The following MATN2 variants were observed in gnomAD, a reference collection of about 807,000 sequenced individuals.
MATN2 encodes the protein matrilin-2.
A neutral mutation model predicts 103.2 loss-of-function variants in MATN2; 69 were observed. The observed-to-expected ratio is 0.67, with a 90% CI of 0.55 to 0.82. The LOEUF is 0.82. MATN2 is among the 40% of genes least tolerant of loss of function. The probability of loss-of-function intolerance (pLI) is 0.00; values close to 1 mark genes in which losing one functional copy is unlikely to be tolerated. For missense variants in MATN2, 1,023 were observed against 1,211.5 expected, an observed-to-expected ratio of 0.84 and a Z score of 2.31; for synonymous variants, 429 against 450.2, an observed-to-expected ratio of 0.95 and a Z score of 0.60.
At chr8:98,004,041 C>G (rs1812875165) in intron 8 of MATN2, 2 of 377,514 alleles carry the variant, frequency 5.3e-6, no homozygotes, top group Non-Finnish European at 1.0e-5. Flanking sequence ...GTAATCCCAG[C>G]ACAGGGAGGC....
At chr8:97,911,750 C>G (rs996250773) in intron 2 of MATN2, among the ~76,000 whole-genome samples, 1 of 152,036 alleles carries the variant, frequency 6.6e-6, no homozygotes, top group Non-Finnish European at 1.5e-5. Flanking sequence ...GCCAGTGTCA[C>G]CTAGCTGGTA....
Position 97,907,523 on chromosome 8 carries a change from T to C in MATN2, c.142+19281T>C, listed in dbSNP as rs200911799. On this transcript the variant is annotated intron_variant, in intron 2 of 18. Transcript: ENST00000254898. ...ATTTTTAGTAGAGATGGGGTTTCAC[T>C]GTGTTAGCCAGGATGGCCTCGATCT... 4.2e-3 allele frequency among the ~76,000 whole-genome samples: 637 copies of C among 150,400 alleles called. 5 individuals are homozygous for C. Among genetic ancestry groups the C allele is most frequent in the African/African-American group, 0.015 (599 of 40,900 alleles).
At chr8:97,935,478 C>A (rs1810343663) in intron 3 of MATN2, among the ~76,000 whole-genome samples, 1 of 152,096 alleles carries the variant, frequency 6.6e-6, no homozygotes, top group Non-Finnish European at 1.5e-5. Flanking sequence ...AGGTCACAAA[C>A]CTGTAAGTGC....
intron 18 of MATN2, chr8:98,033,912 G>A: frequency 1.9e-6 from 1 of 514,688 alleles, no homozygotes; most frequent in Non-Finnish European, 3.5e-6. Context: ...AATAAGGCCT[G>A]TCAGTCAGCA....
At chr8:97,899,585 C>T (rs1208506956) in intron 2 of MATN2, among the ~76,000 whole-genome samples, 2 of 152,268 alleles carry the variant, frequency 1.3e-5, no homozygotes, top group South Asian at 2.1e-4. Context: ...TCCCTCTGTA[C>T]CTGTGAGTGT....
At chr8:98,021,431 A>G (rs901930804) in intron 13 of MATN2, 104 bp downstream of exon 13, 9 of 1,198,286 alleles carry the variant, frequency 7.5e-6, no homozygotes, top group Non-Finnish European at 5.9e-6. Context: ...TCTCCCATAA[A>G]TATAAATGCA....
At chr8:97,930,274 C>G (rs1030827736) in intron 2 of MATN2, among the ~76,000 whole-genome samples, 1 of 152,232 alleles carries the variant, frequency 6.6e-6, no homozygotes, top group Admixed American at 6.5e-5. Flanking sequence ...AGCTCCTTAA[C>G]TTTGGACCCT....
chr8:97,998,248 C>T (rs992468240), intron 7 of MATN2, among the ~76,000 whole-genome samples: 8 of 150,940 alleles, frequency 5.3e-5, no homozygotes, highest in Non-Finnish European at 1.0e-4. Flanking sequence ...TTGCTGGGCG[C>T]GGTGGCTCAC....
chr8:97,884,773 TAACAAC>T (rs200495037), intron 1 of MATN2, among the ~76,000 whole-genome samples: 5 of 151,700 alleles, frequency 3.3e-5, no homozygotes, highest in Non-Finnish European at 5.9e-5. Context: ...TGTCTCCAAA[TAACAAC>T]AACAACAACA....
intron 2 of MATN2, among the ~76,000 whole-genome samples, chr8:97,903,021 C>A (rs1318343325): frequency 6.6e-6 from 1 of 152,138 alleles, no homozygotes; most frequent in South Asian, 2.1e-4. Context: ...GTTATAGTCC[C>A]CATGCTAGCA....
intron 5 of MATN2, among the ~76,000 whole-genome samples, chr8:97,976,050 G>C (rs1376957318): frequency 1.3e-5 from 2 of 152,124 alleles, no homozygotes; most frequent in African/African-American, 2.4e-5. Context: ...AATGGCTTGT[G>C]AATTAAACCT....
At chr8:97,901,639 A>G (rs538371366) in intron 2 of MATN2, among the ~76,000 whole-genome samples, 19 of 152,354 alleles carry the variant, frequency 1.2e-4, no homozygotes, top group African/African-American at 4.6e-4. Context: ...TACAGTGTAC[A>G]AGGCTTTGCT....
intron 7 of MATN2, among the ~76,000 whole-genome samples, chr8:98,001,843 G>A (rs1812796494): frequency 6.6e-6 from 1 of 152,008 alleles, no homozygotes; most frequent in South Asian, 2.1e-4. Flanking sequence ...ATGTTTCATT[G>A]GTCAGAACTA....
At position 98,024,390 on chromosome 8, in the gene MATN2, A is replaced by G. The variant is rs375800375; in HGVS notation, c.1943-3026A>G. On this transcript the variant is annotated intron_variant, in intron 13 of 18. Transcript: ENST00000254898. ...TATGGTAGCGTGTGCCTGTGGCTCT[A>G]GCTACTTGGGAGGCTGAGACAGGAG... is the stretch of plus-strand genomic sequence containing the variant. Among the ~76,000 whole-genome samples, 6 of 152,134 alleles carry G rather than the reference A, an allele frequency of 3.9e-5. No individual in the cohort carries two copies. In the East Asian group the frequency reaches 5.8e-4, roughly 15 times the overall value.
intron 1 of MATN2, among the ~76,000 whole-genome samples, chr8:97,881,319 AGGTGTGCAGAACCAGGCCTCT>A (rs1177488049): frequency 2.0e-5 from 3 of 152,226 alleles, no homozygotes; most frequent in Admixed American, 2.0e-4. Flanking sequence ...GAGGTCATGC[AGGTGTGCAGAACCAGGCCTCT>A]GGTCTCAAGG....
At chr8:97,995,096 G>A (rs1321736451) in intron 7 of MATN2, among the ~76,000 whole-genome samples, 3 of 152,204 alleles carry the variant, frequency 2.0e-5, no homozygotes, top group Admixed American at 6.5e-5. Context: ...TCAGCGGGTT[G>A]ATATTGTGGA....
rs372520103 is a variant in MATN2, at chr8:98,007,218, A to T, written c.1441A>T (p.Thr481Ser). Reference protein sequence around the residue: ...EGFLINEDLKTCSRVDYCLLS... With the variant: ...EGFLINEDLKSCSRVDYCLLS... Reference sequence around the variant, plus strand: ...CTTCCTCATCAACGAGGACCTCAAGACCTGCTCCCGTGAGTCCCTCCGCGC... The same window carrying T: ...CTTCCTCATCAACGAGGACCTCAAGTCCTGCTCCCGTGAGTCCCTCCGCGC... Residue 481 changes from threonine (T) to serine (S), a missense_variant, in exon 9 of 19, where the codon ACC becomes TCC. Coordinates refer to ENST00000254898, the MANE Select transcript of MATN2 (RefSeq NM_002380.5). The surrounding 1 kb of genome is among the most constrained non-coding windows in gnomAD (Gnocchi z 4.2). 2.3e-5 allele frequency: 37 copies of T among 1,613,870 alleles called. No homozygotes were observed. In the African/African-American group the frequency reaches 4.8e-4, roughly 21 times the overall value.
Position 98,021,320 on chromosome 8 carries a change from G to T in MATN2, c.1935G>T (p.Arg645=), listed in dbSNP as rs967865571. Reference sequence around the variant, plus strand: ...TTGTTCTAGCTGAGGACGGAAGACGGTGCAAGAGTAAGTGATCTGAACTTG... The same window carrying T: ...TTGTTCTAGCTGAGGACGGAAGACGTTGCAAGAGTAAGTGATCTGAACTTG... ...EGFVLAEDGR[R]CKKCTEGPID... Residue 645 remains arginine, a synonymous_variant, in exon 13 of 19, where the codon CGG becomes CGT. Coordinates refer to ENST00000254898, the MANE Select transcript of MATN2 (RefSeq NM_002380.5). 3.1e-6 allele frequency: 5 copies of T among 1,612,984 alleles called. No homozygotes were observed. The highest frequency in any genetic ancestry group is 3.3e-5 in the Admixed American group (2 of 59,956).
At chr8:97,958,869 G>C (rs1811219693) in intron 4 of MATN2, among the ~76,000 whole-genome samples, 1 of 152,132 alleles carries the variant, frequency 6.6e-6, no homozygotes, top group Non-Finnish European at 1.5e-5. Flanking sequence ...CTCTGCCTCT[G>C]GTGTCAATGG....
Sources: allele counts gnomAD v4.1 joint callset (sites outside exome capture counted in the v4.1 genomes callset), GRCh38; gene constraint gnomAD v4.1.1; non-coding constraint Gnocchi (gnomAD v3.1); transcripts MANE v1.5; gene names NCBI Gene and HGNC (gene_info 2026-07-23, HGNC 2026-07-21).